Variants in PCSK2 observed in about 807,000 individuals in gnomAD.
The protein encoded by PCSK2 is neuroendocrine convertase 2.
In PCSK2, 14 loss-of-function variants were observed where a neutral mutation model predicts 69.7. The ratio of observed to expected loss-of-function variants is 0.20; its 90% CI spans 0.13 to 0.31. The LOEUF (loss-of-function observed/expected upper bound fraction) is 0.31, where lower values mean the gene tolerates loss of function less well. PCSK2 is among the 10% of genes least tolerant of loss of function. The pLI is 1.00. For synonymous variants in PCSK2, 307 were observed against 320.7 expected (o/e 0.96, Z 0.46); for missense variants, 544 against 842.5 (o/e 0.65, Z 4.39).
rs148672929 is a variant in PCSK2, at chr20:17,367,896, C to T, written c.506-1344C>T. ...CTGATGCCTTTCCCTCTGAAGACTT[C>T]GGGAGGCAAGTGGGAGAAGAAGGCA... On this transcript the variant is annotated intron_variant, in intron 4 of 11. Transcript: ENST00000262545. Among the ~76,000 whole-genome samples, 118 of 152,186 alleles carry T rather than the reference C, an allele frequency of 7.8e-4. 1 individual carries two copies. The East Asian group carries it at 0.017, about 22-fold the overall frequency.
chr20:17,257,318 TTGG>T (rs1326964738), intron 1 of PCSK2, among the ~76,000 whole-genome samples: 2 of 152,154 alleles, frequency 1.3e-5, no homozygotes, highest in African/African-American at 4.8e-5. Context: ...TTTTACACTG[TTGG>T]TGGTTAGTGT....
At chr20:17,433,709 T>G (rs2032414901) in intron 7 of PCSK2, among the ~76,000 whole-genome samples, 1 of 152,266 alleles carries the variant, frequency 6.6e-6, no homozygotes, top group South Asian at 2.1e-4. Flanking sequence ...TGTGTGCCTG[T>G]GTCTGTTCTT....
intron 2 of PCSK2, among the ~76,000 whole-genome samples, chr20:17,286,369 A>G (rs930195226): frequency 3.9e-5 from 6 of 152,272 alleles, no homozygotes; most frequent in African/African-American, 1.4e-4. Flanking sequence ...AAGAGTTTCA[A>G]AGGCAGGAGG....
At position 17,362,329 on chromosome 20, in the gene PCSK2, G is replaced by A. The variant is rs75630165; in HGVS notation, c.505+1689G>A. Among the ~76,000 whole-genome samples, 958 of 152,310 alleles carry A rather than the reference G, an allele frequency of 6.3e-3. 13 individuals carry two copies. The highest frequency in any genetic ancestry group is 0.021 in the African/African-American group (891 of 41,570). ...AATTCCTGGTTTCTTCTTCATTTTAGTCAATTACTGCTGCAGAACAAAGAA... is the reference window on the plus strand; with the variant it reads ...AATTCCTGGTTTCTTCTTCATTTTAATCAATTACTGCTGCAGAACAAAGAA... On this transcript the variant is annotated intron_variant, in intron 4 of 11. Transcript: ENST00000262545.
At chr20:17,256,307 A>G (rs1987172978) in intron 1 of PCSK2, among the ~76,000 whole-genome samples, 1 of 152,092 alleles carries the variant, frequency 6.6e-6, no homozygotes, top group Non-Finnish European at 1.5e-5. Flanking sequence ...TTCTTTGAAC[A>G]TATGTCTGGG....
At chr20:17,229,318 G>A (rs928953407) in intron 1 of PCSK2, among the ~76,000 whole-genome samples, 1 of 151,532 alleles carries the variant, frequency 6.6e-6, no homozygotes, top group Non-Finnish European at 1.5e-5. Flanking sequence ...AGCAAGCTAG[G>A]TGCTTTCAGG....
intron 5 of PCSK2, among the ~76,000 whole-genome samples, chr20:17,385,193 A>T (rs764645780): frequency 1.3e-5 from 2 of 152,168 alleles, no homozygotes; most frequent in African/African-American, 2.4e-5. Context: ...ATCCTTTAAG[A>T]ATAGGTCTGC....
upstream of PCSK2, among the ~76,000 whole-genome samples, chr20:17,226,533 AAGAG>A (rs11471406): frequency 0.19 from 27,517 of 146,724 alleles, 3,379 homozygotes; most frequent in African/African-American, 0.35. Context: ...GAGAGAGAGA[AAGAG>A]AGAGAGAGAG....
At chr20:17,285,617 G>A (rs961536579) in intron 2 of PCSK2, among the ~76,000 whole-genome samples, 1 of 152,202 alleles carries the variant, frequency 6.6e-6, no homozygotes, top group Non-Finnish European at 1.5e-5. Context: ...TGTATTTTGA[G>A]CTCCTGCTGC....
At chr20:17,429,552 C>G (rs1180790767) in intron 7 of PCSK2, 29 bp downstream of exon 7, 1 of 1,444,224 alleles carries the variant, frequency 6.9e-7, no homozygotes, top group East Asian at 2.3e-5. Flanking sequence ...ACAGAGGCCC[C>G]CACTAGGTAT....
chr20:17,277,124 G>C (rs999548659), intron 2 of PCSK2, among the ~76,000 whole-genome samples: 1,594 of 152,162 alleles, frequency 0.01, 24 homozygotes, highest in African/African-American at 0.035. Flanking sequence ...AATCAATATT[G>C]TGAAAATGGC....
In PCSK2 at chr20:17,294,786, TAAC is replaced by T. The variant is rs202099061; in HGVS notation, c.282+34445_282+34447del. Among the ~76,000 whole-genome samples the T allele has an allele frequency of 6.2e-3, 949 of 152,342 alleles. 14 individuals carry two copies. The highest frequency in any genetic ancestry group is 0.051 in the Middle Eastern group (15 of 294). ...ATCTTGTCTGTCATTCAGTGAGAGT[TAAC>T]AATCTGAACACTAAAACTTTTCTGC... On this transcript the variant is annotated intron_variant, in intron 2 of 11. Coordinates refer to ENST00000262545, the MANE Select transcript of PCSK2 (RefSeq NM_002594.5).
In PCSK2 at chr20:17,436,810, C is replaced by T; in HGVS notation, c.812C>T (p.Pro271Leu). Residue 271 changes from proline (P) to leucine (L), a missense_variant, in exon 8 of 12, where the codon CCC (proline) becomes CTC (leucine). By Grantham distance (98) the Pro-to-Leu change is moderately conservative. This residue lies in a region of PCSK2 where 187 missense variants were observed against 399.8 expected (regional missense o/e 0.47). Transcript: ENST00000262545. ...GACATCTACAGCGCCAGCTGGGGCC[C>T]CACAGACAACGGCAAGACAGTGGAT... Reference protein sequence around the residue: ...LIDIYSASWGPTDNGKTVDGP... With the variant: ...LIDIYSASWGLTDNGKTVDGP... The T allele has an allele frequency of 1.9e-6, 3 of 1,614,036 alleles. No homozygotes were observed. The highest frequency in any genetic ancestry group is 2.5e-6 in the Non-Finnish European group (3 of 1,180,032).
At chr20:17,462,865 A>C (rs998013418) in intron 10 of PCSK2, among the ~76,000 whole-genome samples, 1 of 152,234 alleles carries the variant, frequency 6.6e-6, no homozygotes, top group African/African-American at 2.4e-5. Flanking sequence ...TTAATTATTT[A>C]ATAACTATCA....
intron 1 of PCSK2, among the ~76,000 whole-genome samples, chr20:17,258,297 AT>A (rs1731236273): frequency 6.6e-6 from 1 of 152,200 alleles, no homozygotes; most frequent in Non-Finnish European, 1.5e-5. Context: ...CAACTTTTTT[AT>A]TGAATAAACA....
At chr20:17,256,159 T>G (rs1032849197) in intron 1 of PCSK2, among the ~76,000 whole-genome samples, 1 of 152,200 alleles carries the variant, frequency 6.6e-6, no homozygotes, top group African/African-American at 2.4e-5. Context: ...TCTGATAAAT[T>G]TTTAAATTCT....
intron 4 of PCSK2, among the ~76,000 whole-genome samples, chr20:17,360,898 A>C (rs149712207): frequency 4.1e-4 from 62 of 152,276 alleles, no homozygotes; most frequent in African/African-American, 1.4e-3. Flanking sequence ...GCTGCCTATC[A>C]CTCAACCATA....
At chr20:17,363,326 G>T (rs1226948693) in intron 4 of PCSK2, among the ~76,000 whole-genome samples, 2 of 152,158 alleles carry the variant, frequency 1.3e-5, no homozygotes, top group African/African-American at 4.8e-5. Flanking sequence ...CCTTCACGTA[G>T]GTACAAAGCA....
At chr20:17,391,906 G>GAGAGAGGA (rs1555792739) in intron 5 of PCSK2, among the ~76,000 whole-genome samples, 3 of 99,966 alleles carry the variant, frequency 3.0e-5, no homozygotes. Context: ...GAAAGAGAGA[G>GAGAGAGGA]AGGAAGGAAG....
Sources: gnomAD v4.1 joint callset for allele counts (sites outside exome capture counted in the v4.1 genomes callset) on GRCh38, gnomAD v4.1.1 for gene constraint, gnomAD v4.1.1 regional missense constraint, MANE v1.5 for transcripts, NCBI Gene and HGNC (gene_info 2026-07-23, HGNC 2026-07-21) for gene names.